The following SGCZ variants were observed in gnomAD, a reference collection of about 807,000 sequenced individuals.
The protein encoded by SGCZ is zeta-sarcoglycan.
SGCZ carries 40 observed loss-of-function variants against 41.3 expected under a neutral mutation model. The ratio of observed to expected loss-of-function variants is 0.97; its 90% CI spans 0.75 to 1.26. The LOEUF is 1.26. SGCZ is among the 50% of genes most tolerant of loss of function. SGCZ has a pLI of 0.00. For missense variants in SGCZ, 552 were observed against 369.8 expected (o/e 1.49, Z -4.04); for synonymous variants, 206 against 137.5 (o/e 1.50, Z -3.49).
At chr8:14,536,069 TA>T (rs1803287796) in intron 2 of SGCZ, among the ~76,000 whole-genome samples, 1 of 151,884 alleles carries the variant, frequency 6.6e-6, no homozygotes, top group Non-Finnish European at 1.5e-5. Context: ...ACACTCATAT[TA>T]AACACATTCA....
intron 1 of SGCZ, among the ~76,000 whole-genome samples, chr8:14,590,266 G>A (rs375556227): frequency 2.2e-4 from 33 of 152,012 alleles, no homozygotes; most frequent in Non-Finnish European, 4.1e-4. Flanking sequence ...GGTGTGGTAA[G>A]TCATAAATTC....
At chr8:15,159,458 G>A (rs2117036826) in intron 1 of SGCZ, among the ~76,000 whole-genome samples, 1 of 152,248 alleles carries the variant, frequency 6.6e-6, no homozygotes, top group Admixed American at 6.5e-5. Context: ...GCTTGTGACT[G>A]GCATCCAAAG....
At chr8:14,256,968 C>A (rs977752526) in intron 3 of SGCZ, among the ~76,000 whole-genome samples, 1 of 152,076 alleles carries the variant, frequency 6.6e-6, no homozygotes, top group Non-Finnish European at 1.5e-5. Context: ...TCTTCAAAAT[C>A]ACTTTTATTT....
Position 15,022,106 on chromosome 8 carries a change from G to C in SGCZ, c.39+215479C>G, listed in dbSNP as rs111247180. 1.2e-4 allele frequency among the ~76,000 whole-genome samples: 19 copies of C among 152,266 alleles called. 1 individual carries two copies. Among genetic ancestry groups the C allele is most frequent in the African/African-American group, 4.3e-4 (18 of 41,554 alleles). The stretch of plus-strand genomic sequence containing the variant: ...AGGCACAAAACCGTTAAGGTGACCT[G>C]ATCAAGGTAACAATGATAATTTCAA... On this transcript the variant is annotated intron_variant, in intron 1 of 7. Coordinates refer to ENST00000382080, the MANE Select transcript of SGCZ (RefSeq NM_139167.4).
At chr8:15,014,915 C>T (rs1482172311) in intron 1 of SGCZ, among the ~76,000 whole-genome samples, 1 of 152,206 alleles carries the variant, frequency 6.6e-6, no homozygotes, top group Admixed American at 6.5e-5. Context: ...GTAAAAACTA[C>T]CGCAAACCTG....
At chr8:14,916,424 G>A (rs889336994) in intron 1 of SGCZ, among the ~76,000 whole-genome samples, 2 of 152,128 alleles carry the variant, frequency 1.3e-5, no homozygotes, top group Non-Finnish European at 2.9e-5. Flanking sequence ...AAGGGAAATC[G>A]TTGAAAAGTA....
At chr8:14,396,047 T>C (rs1330306124) in intron 2 of SGCZ, among the ~76,000 whole-genome samples, 1 of 152,146 alleles carries the variant, frequency 6.6e-6, no homozygotes, top group Non-Finnish European at 1.5e-5. Flanking sequence ...AAAGAAATCA[T>C]TTTTAAATGT....
intron 4 of SGCZ, among the ~76,000 whole-genome samples, chr8:14,198,067 T>G (rs2117062608): frequency 6.6e-6 from 1 of 152,328 alleles, no homozygotes; most frequent in Admixed American, 6.5e-5. Context: ...ATAGCAGTCC[T>G]CACTTAACTG....
intron 1 of SGCZ, among the ~76,000 whole-genome samples, chr8:14,843,770 G>T (rs1048955387): frequency 6.6e-6 from 1 of 152,014 alleles, no homozygotes; most frequent in African/African-American, 2.4e-5. Context: ...AATATTTATA[G>T]ATAGCACTTT....
intron 2 of SGCZ, among the ~76,000 whole-genome samples, chr8:14,373,454 A>G (rs1803985219): frequency 6.6e-6 from 1 of 152,220 alleles, no homozygotes; most frequent in African/African-American, 2.4e-5. Context: ...AATGAAATCC[A>G]TGATATTCAG....
At chr8:15,076,528 C>T (rs1352090780) in intron 1 of SGCZ, among the ~76,000 whole-genome samples, 13 of 152,166 alleles carry the variant, frequency 8.5e-5, no homozygotes, top group Admixed American at 7.2e-4. Context: ...CACACCATCC[C>T]TTCCTATCCT....
At chr8:14,656,155 T>G (rs895425137) in intron 1 of SGCZ, among the ~76,000 whole-genome samples, 15 of 152,096 alleles carry the variant, frequency 9.9e-5, no homozygotes, top group African/African-American at 3.4e-4. Context: ...ATCAAACTGT[T>G]TATCCAAAGT....
chr8:15,117,471 G>T (rs1284361799), intron 1 of SGCZ, among the ~76,000 whole-genome samples: 1 of 152,160 alleles, frequency 6.6e-6, no homozygotes, highest in Non-Finnish European at 1.5e-5. Context: ...ATCCATTGTG[G>T]CATGATGGGG....
intron 1 of SGCZ, among the ~76,000 whole-genome samples, chr8:14,638,629 A>C (rs1242188505): frequency 1.3e-5 from 2 of 151,696 alleles, no homozygotes; most frequent in African/African-American, 4.8e-5. Context: ...TAGAATGAGA[A>C]TCTCCTTTTC....
chr8:14,188,636 G>A (rs1264868859), intron 4 of SGCZ, among the ~76,000 whole-genome samples: 1 of 152,034 alleles, frequency 6.6e-6, no homozygotes, highest in East Asian at 1.9e-4. Context: ...GCACAATTCT[G>A]TTAATATATT....
chr8:14,343,670 T>C (rs1212208637), intron 2 of SGCZ, among the ~76,000 whole-genome samples: 2 of 152,168 alleles, frequency 1.3e-5, no homozygotes, highest in African/African-American at 2.4e-5. Context: ...CATAGAGGAT[T>C]GTATCTTAGA....
chr8:14,099,568 T>A (rs1585132167), intron 7 of SGCZ, among the ~76,000 whole-genome samples: 4 of 152,050 alleles, frequency 2.6e-5, no homozygotes, highest in South Asian at 4.1e-4. Context: ...CTTCTAAAAG[T>A]ACAAATATTA....
chr8:14,769,505 A>G (rs570648855), intron 1 of SGCZ, among the ~76,000 whole-genome samples: 6 of 152,266 alleles, frequency 3.9e-5, no homozygotes, highest in Non-Finnish European at 7.4e-5. Context: ...AAACACTTCA[A>G]TGGCAGCCAG....
At chr8:14,710,992 C>T (rs991247358) in intron 1 of SGCZ, among the ~76,000 whole-genome samples, 16 of 152,236 alleles carry the variant, frequency 1.1e-4, no homozygotes, top group South Asian at 6.2e-4. Context: ...TCTTCACTAG[C>T]ATTGTTTTCA....
Sources: gnomAD v4.1 joint callset for allele counts (sites outside exome capture counted in the v4.1 genomes callset) on GRCh38, gnomAD v4.1.1 for gene constraint, MANE v1.5 for transcripts, NCBI Gene and HGNC (gene_info 2026-07-23, HGNC 2026-07-21) for gene names.